PCDHA1: variants seen among roughly 807,000 people sequenced by gnomAD.
PCDHA1 encodes the protein protocadherin alpha 1.
PCDHA1 carries 42 observed loss-of-function variants against 61.3 expected under a neutral mutation model. The observed-to-expected ratio is 0.69, with a 90% confidence interval of 0.54 to 0.89. The LOEUF (loss-of-function observed/expected upper bound fraction) is 0.89. PCDHA1 is among the 40% of genes least tolerant of loss of function. PCDHA1 has a pLI of 0.00. For missense variants in PCDHA1, 1,256 were observed against 1,235.3 expected (o/e 1.02, Z -0.25); for synonymous variants, 610 against 553.8 (o/e 1.10, Z -1.43).
chr5:140,968,871 C>A lies in PCDHA1; in HGVS notation c.2395-10078C>A, dbSNP rs782670653. 11 of 1,614,218 alleles carry A rather than the reference C, an allele frequency of 6.8e-6. No individual in the cohort carries two copies. In the South Asian group the frequency reaches 1.2e-4, roughly 18 times the overall value. On this transcript the variant is annotated intron_variant, in intron 1 of 3. Coordinates refer to ENST00000504120, the MANE Select transcript of PCDHA1 (RefSeq NM_018900.4). ...CATGTTAAGAGCCCTCGGACATACT[C>A]TGAAATTACCCTTTATCTAATAATA...
At chr5:140,877,813 GAA>G in intron 1 of PCDHA1, 1 of 1,610,266 alleles carries the variant, frequency 6.2e-7, no homozygotes, top group Non-Finnish European at 8.5e-7. Flanking sequence ...GCTGTCTCGA[GAA>G]GATTGTTTAA....
Position 140,862,369 on chromosome 5 carries a change from C to A in PCDHA1, c.2394+73685C>A, listed in dbSNP as rs1265761765. On this transcript the variant is annotated intron_variant, in intron 1 of 3. Coordinates refer to ENST00000504120, the MANE Select transcript of PCDHA1 (RefSeq NM_018900.4). ...GTGCCAAGGGACAGACGACCCGCAC[C>A]CTGACTCCTCACGTCTCTTCAAGCT... The A allele has an allele frequency of 1.8e-5, 6 of 341,324 alleles. No individual in the cohort carries two copies. In the Admixed American group the frequency reaches 2.3e-4, roughly 13 times the overall value. The allele number at this position is 341,324 out of a possible 1,614,324, so 21.1% of individuals were successfully genotyped here. A position where few individuals can be genotyped will look rare whatever the true frequency, so the allele number is the denominator to read the frequency against.
chr5:140,836,386 C>G, intron 1 of PCDHA1: 1 of 1,613,722 alleles, frequency 6.2e-7, no homozygotes, highest in Non-Finnish European at 8.5e-7. Context: ...GTGCTGGTGT[C>G]GCTGGTGGAA....
At chr5:140,966,845 C>A in intron 1 of PCDHA1, 1 of 1,570,444 alleles carries the variant, frequency 6.4e-7, no homozygotes, top group Non-Finnish European at 8.6e-7. Flanking sequence ...GCTGCTACTG[C>A]CTCTCCTGCT....
In PCDHA1 at chr5:140,993,460, T is replaced by TCCCA. The variant is rs1554253699; in HGVS notation, c.2542+10898_2542+10899insCCAC. On this transcript the variant is annotated intron_variant, in intron 3 of 3. Transcript: ENST00000504120. Reference sequence around the variant, plus strand: ...TTCATTCCTGTTCTCCTTCTTTCTTTCTCACACACACACACACACACACAC... The same window carrying TCCCA: ...TTCATTCCTGTTCTCCTTCTTTCTTTCCCACTCACACACACACACACACACACAC... Among the ~76,000 whole-genome samples, 30 of 104,506 alleles carry TCCCA rather than the reference T, an allele frequency of 2.9e-4. 1 individual carries two copies. The highest frequency in any genetic ancestry group is 1.1e-3 in the African/African-American group (29 of 25,484). The allele number at this position is 104,506 out of a possible 152,430, so 68.6% of individuals were successfully genotyped here.
At chr5:140,968,324 T>C (rs781875050) in intron 1 of PCDHA1, 15 of 1,613,972 alleles carry the variant, frequency 9.3e-6, no homozygotes. Context: ...GCCAGTCACC[T>C]CCTATGTCTC....
At chr5:140,875,773 G>C in intron 1 of PCDHA1, 1 of 1,614,268 alleles carries the variant, frequency 6.2e-7, no homozygotes, top group Non-Finnish European at 8.5e-7. Context: ...GCGGAGCGCG[G>C]AGTGCAGTAT....
At chr5:140,975,326 G>A (rs901942738) in intron 1 of PCDHA1, among the ~76,000 whole-genome samples, 2 of 152,216 alleles carry the variant, frequency 1.3e-5, no homozygotes, top group Non-Finnish European at 2.9e-5. Flanking sequence ...GTCCCATCCA[G>A]ATGATCTCCC....
At chr5:140,978,910 T>C in intron 1 of PCDHA1, 39 bp from the exon 2 acceptor site, 1 of 1,613,896 alleles carries the variant, frequency 6.2e-7, no homozygotes, top group Non-Finnish European at 8.5e-7. Context: ...GAACATTGTC[T>C]TGTCATTTTA....
chr5:140,841,782 T>C (rs1777485845), intron 1 of PCDHA1: 1 of 1,613,764 alleles, frequency 6.2e-7, no homozygotes, highest in Non-Finnish European at 8.5e-7. Context: ...CGGTTTCCGC[T>C]AGAGGGCGCG....
At chr5:140,982,252 C>A in intron 2 of PCDHA1, 2 of 770,940 alleles carry the variant, frequency 2.6e-6, no homozygotes, top group South Asian at 2.6e-5. Flanking sequence ...AAAGATAGAA[C>A]ATGTGTGTTC....
chr5:140,816,512 T>G (rs2126672655), intron 1 of PCDHA1: 8 of 142,424 alleles, frequency 5.6e-5, no homozygotes, highest in Non-Finnish European at 1.2e-4. Context: ...TGTGTTTGTG[T>G]GTGTGTGTGT....
chr5:140,970,912 T>C (rs1035265875), intron 1 of PCDHA1, among the ~76,000 whole-genome samples: 3 of 152,212 alleles, frequency 2.0e-5, no homozygotes, highest in Non-Finnish European at 2.9e-5. Flanking sequence ...TTTATTCATT[T>C]ATCAGAAGTG....
At chr5:140,870,229 C>A (rs781897836) in intron 1 of PCDHA1, 3 of 1,614,046 alleles carry the variant, frequency 1.9e-6, no homozygotes, top group South Asian at 1.1e-5. Flanking sequence ...CGTGTCTGAC[C>A]GTGACTCAGG....
At chr5:140,823,574 C>A in intron 1 of PCDHA1, 1 of 1,613,944 alleles carries the variant, frequency 6.2e-7, no homozygotes, top group South Asian at 1.1e-5. Flanking sequence ...GACCCTGATT[C>A]GGGCTACAAC....
chr5:140,821,737 G>T (rs2150110277), intron 1 of PCDHA1: 1 of 1,541,884 alleles, frequency 6.5e-7, no homozygotes, highest in East Asian at 2.3e-5. Flanking sequence ...ACATTGTGTG[G>T]TGATGCAATA....
rs2150385569 is a variant in PCDHA1 at position 140,846,184 on chromosome 5, G to T, written c.2394+57500G>T. 1.3e-5 allele frequency among the ~76,000 whole-genome samples: 2 copies of T among 149,364 alleles called. 1 individual carries two copies. Among genetic ancestry groups the T allele is most frequent in the Non-Finnish European group, 3.0e-5 (2 of 66,864 alleles). ...CCTGCAGAGGCCTGAGTAGGCGTTT[G>T]AGTTCTTTGTATGTATGAGATCTTT... On this transcript the variant is annotated intron_variant, in intron 1 of 3. Coordinates refer to ENST00000504120, the MANE Select transcript of PCDHA1 (RefSeq NM_018900.4).
At chr5:140,914,445 T>C (rs782813943) in intron 1 of PCDHA1, among the ~76,000 whole-genome samples, 1 of 152,200 alleles carries the variant, frequency 6.6e-6, no homozygotes, top group South Asian at 2.1e-4. Flanking sequence ...CCCATGTCTT[T>C]ATTTTCCAGT....
intron 1 of PCDHA1, chr5:140,877,772 C>T (rs372461540): frequency 9.3e-6 from 15 of 1,614,150 alleles, no homozygotes; most frequent in Non-Finnish European, 1.2e-5. Context: ...CCGCCCAAGA[C>T]GGACCTCATG....
Sources: allele counts gnomAD v4.1 joint callset (sites outside exome capture counted in the v4.1 genomes callset), GRCh38; gene constraint gnomAD v4.1.1; transcripts MANE v1.5; gene names NCBI Gene and HGNC (gene_info 2026-07-23, HGNC 2026-07-21).